SEMA4C: variants seen among roughly 807,000 people sequenced by gnomAD.
SEMA4C encodes semaphorin-4C.
In SEMA4C, 19 loss-of-function variants were observed where a neutral mutation model predicts 89.0. The ratio of observed to expected loss-of-function variants is 0.21; its 90% CI spans 0.15 to 0.31. The LOEUF (loss-of-function observed/expected upper bound fraction) is 0.31. Ranked by LOEUF, SEMA4C falls within the 10% of genes least tolerant of loss-of-function variation. SEMA4C has a pLI of 1.00. For synonymous variants in SEMA4C, 428 were observed against 472.7 expected, an observed-to-expected ratio of 0.91 and a Z score of 1.23; for missense variants, 811 against 1,107.0, an observed-to-expected ratio of 0.73 and a Z score of 3.79.
chr2:96,860,684 C>A lies in SEMA4C; in HGVS notation c.2444G>T (p.Arg815Leu), dbSNP rs770475801. ...PLPELADELR[R>L]KLQQRQPLPD... ...CAGTGGCTGGCGTTGCTGCAGTTTG[C>A]GTCTCAGTTCATCCGCGAGCTCAGG... The change falls in exon 15 of 15, where the codon CGC becomes CTC. Residue 815 changes from arginine to leucine, a missense_variant. Coordinates refer to ENST00000305476, the MANE Select transcript of SEMA4C (RefSeq NM_017789.5). 6.2e-7 allele frequency: 1 copy of A among 1,613,220 alleles called. No individual in the cohort carries two copies. Among genetic ancestry groups the A allele is most frequent in the Non-Finnish European group, 8.5e-7 (1 of 1,179,834 alleles).
rs768000871 is a variant in SEMA4C, at chr2:96,865,924, G to A, written c.264C>T (p.Ser88=). 6.2e-7 allele frequency: 1 copy of A among 1,613,994 alleles called. No individual in the cohort carries two copies. The highest frequency in any genetic ancestry group is 8.5e-7 in the Non-Finnish European group (1 of 1,179,994). The change falls in exon 4 of 15, where the codon TCC becomes TCT. Residue 88 remains serine, a synonymous_variant. Coordinates refer to ENST00000305476, the MANE Select transcript of SEMA4C (RefSeq NM_017789.5). Reference sequence around the variant, plus strand: ...TCTTCTTCTCCACGGGGGCCTCCCAGGAGATCTGGGGAAAGGGAAGGGGAT... The same window carrying A: ...TCTTCTTCTCCACGGGGGCCTCCCAAGAGATCTGGGGAAAGGGAAGGGGAT... ...MEALELQGAI[S]WEAPVEKKTE...
intron 11 of SEMA4C, 66 bp from the exon 12 acceptor site, chr2:96,863,860 C>T: frequency 1.9e-6 from 3 of 1,600,124 alleles, no homozygotes; most frequent in Non-Finnish European, 2.6e-6. Flanking sequence ...TCCAAATCTC[C>T]CTGCCCTGGG....
chr2:96,863,350 G>A (rs986219957), intron 12 of SEMA4C: 1 of 1,089,358 alleles, frequency 9.2e-7, no homozygotes, highest in Admixed American at 4.6e-5. Context: ...CTGGTCACAG[G>A]GGCATGGTCA....
At position 96,865,129 on chromosome 2, in the gene SEMA4C, A is replaced by G; in HGVS notation, c.635-14T>C. 1 of 1,588,810 alleles carries G rather than the reference A, an allele frequency of 6.3e-7. No homozygotes were observed. The highest frequency in any genetic ancestry group is 8.6e-7 in the Non-Finnish European group (1 of 1,167,572). On this transcript the variant is annotated splice_polypyrimidine_tract_variant and intron_variant, in intron 7 of 14. Coordinates refer to ENST00000305476, the MANE Select transcript of SEMA4C (RefSeq NM_017789.5). ...CAAAGTGAGGTTCTGTGGGAAGGGG[A>G]GGAGGTCAGCAGGGAGGGGCTGGGC... is the stretch of plus-strand genomic sequence containing the variant.
intron 1 of SEMA4C, chr2:96,868,497 A>C (rs2080132567): frequency 1.0e-6 from 1 of 988,490 alleles, no homozygotes; most frequent in African/African-American, 1.7e-5. Context: ...GCAGAACCCC[A>C]AACCCCGTTC....
At chr2:96,868,477 C>CA (rs2080132305) in intron 1 of SEMA4C, 1 of 992,128 alleles carries the variant, frequency 1.0e-6, no homozygotes, top group Non-Finnish European at 1.2e-6. Context: ...CCAGCGCAGA[C>CA]AATAGCCCTG....
chr2:96,863,657 T>C, intron 12 of SEMA4C, 25 bp downstream of exon 12: 1 of 1,588,012 alleles, frequency 6.3e-7, no homozygotes. Flanking sequence ...CTGGGGACAG[T>C]GGCAGATAGG....
intron 1 of SEMA4C, 198 bp downstream of exon 1, chr2:96,869,678 C>A (rs1386582380): frequency 7.1e-6 from 7 of 985,034 alleles, no homozygotes; most frequent in Non-Finnish European, 8.4e-6. Context: ...GTGCTGTGCG[C>A]CCCACTCCCG....
Position 96,865,785 on chromosome 2 carries a change from G to A in SEMA4C, c.322-21C>T, listed in dbSNP as rs17119625. ...TCGGTCTGGGGGCAGAAAGGTGTCC[G>A]GTTAGTGAGAGCGCGAGGGCCAGAA... is the stretch of plus-strand genomic sequence containing the variant. On this transcript the variant is annotated intron_variant, in intron 4 of 14. Coordinates refer to ENST00000305476, the MANE Select transcript of SEMA4C (RefSeq NM_017789.5). 816 of 1,613,856 alleles carry A rather than the reference G, an allele frequency of 5.1e-4. 11 individuals carry two copies. The East Asian group carries it at 0.017, about 33-fold the overall frequency.
In SEMA4C at chr2:96,860,385, C is replaced by T. The variant is rs1051585241; in HGVS notation, c.*241G>A. Reference sequence around the variant, plus strand: ...TGAAAAGTTTTGGCGGCTGGGGTCCCGCGTGTCTGTGATTCACAGAGAGGA... The same window carrying T: ...TGAAAAGTTTTGGCGGCTGGGGTCCTGCGTGTCTGTGATTCACAGAGAGGA... On this transcript the variant is annotated 3_prime_UTR_variant, in exon 15 of 15. Transcript: ENST00000305476. 7 of 514,316 alleles carry T rather than the reference C, an allele frequency of 1.4e-5. No individual in the cohort carries two copies. Among genetic ancestry groups the T allele is most frequent in the African/African-American group, 3.8e-5 (2 of 52,092 alleles). 31.9% of individuals were successfully genotyped at this position (514,316 alleles called of 1,614,324 possible).
At chr2:96,868,819 T>C in intron 1 of SEMA4C, 1 of 985,216 alleles carries the variant, frequency 1.0e-6, no homozygotes, top group Non-Finnish European at 1.2e-6. Flanking sequence ...CGGCACCCGC[T>C]GCGCTCCCGC....
At chr2:96,863,273 G>A (rs1012456100) in intron 12 of SEMA4C, 56 of 1,015,348 alleles carry the variant, frequency 5.5e-5, no homozygotes, top group Middle Eastern at 4.9e-4. Flanking sequence ...AAACAGTCAC[G>A]GAAATGGGGG....
rs1031224762 is a variant in SEMA4C at position 96,869,975 on chromosome 2, C to G, written c.-137G>C. On this transcript the variant is annotated 5_prime_UTR_variant, in exon 1 of 15. Transcript: ENST00000305476. The stretch of plus-strand genomic sequence containing the variant: ...GTCGCCGCCTGCCCGCGCTCGCCCG[C>G]CAGCCCTCCGCGGCCTCTCTGCCAC... 9 of 986,558 alleles carry G rather than the reference C, an allele frequency of 9.1e-6. No homozygotes were observed. Among genetic ancestry groups the G allele is most frequent in the Non-Finnish European group, 1.1e-5 (9 of 830,522 alleles). 61.1% of individuals were successfully genotyped at this position (986,558 alleles called of 1,614,324 possible).
At chr2:96,870,203 C>T, upstream of SEMA4C, 2 of 984,942 alleles carry the variant, frequency 2.0e-6, no homozygotes, top group Non-Finnish European at 1.2e-6. Flanking sequence ...GACCTGTGGA[C>T]CCGCCCGCTC....
rs969610409 is a variant in SEMA4C at position 96,870,029 on chromosome 2, C to T, written c.-191G>A. The stretch of plus-strand genomic sequence containing the variant: ...CCCTCCGTCCCCGCCCGGCTCCGCG[C>T]CCCTAGGCTCGGGCTCCCCGCGCCA... On this transcript the variant is annotated 5_prime_UTR_variant, in exon 1 of 15. Coordinates refer to ENST00000305476, the MANE Select transcript of SEMA4C (RefSeq NM_017789.5). The T allele has an allele frequency of 3.0e-6, 3 of 985,128 alleles. No homozygotes were observed. Among genetic ancestry groups the T allele is most frequent in the Non-Finnish European group, 3.6e-6 (3 of 829,126 alleles). The allele number at this position is 985,128 out of a possible 1,614,324, so 61.0% of individuals were successfully genotyped here. A position where few individuals can be genotyped will look rare whatever the true frequency, so the allele number is the denominator to read the frequency against.
chr2:96,870,242 T>A (rs1370220099), upstream of SEMA4C: 1 of 985,302 alleles, frequency 1.0e-6, no homozygotes, highest in Non-Finnish European at 1.2e-6. Context: ...CCTCCGCCTC[T>A]CTGGGTGCCC....
chr2:96,866,514 C>A, intron 2 of SEMA4C, 83 bp from the exon 3 acceptor site: 1 of 1,580,488 alleles, frequency 6.3e-7, no homozygotes. Context: ...AGCCAGCACC[C>A]CATGCCACAA....
chr2:96,868,688 T>TG lies in SEMA4C; in HGVS notation c.-37-766dup, dbSNP rs1233705634. The TG allele has an allele frequency of 3.0e-5, 28 of 948,236 alleles. No individual in the cohort carries two copies. The East Asian group carries it at 3.0e-3, about 101-fold the overall frequency. 58.7% of individuals were successfully genotyped at this position (948,236 alleles called of 1,614,324 possible). ...CACCAGCCCTCTGGCGGAGGGGCGG[T>TG]GGGGGGACCGAGCTCGGGTCGAGTC... On this transcript the variant is annotated intron_variant, in intron 1 of 14. Coordinates refer to ENST00000305476, the MANE Select transcript of SEMA4C (RefSeq NM_017789.5).
At chr2:96,867,989 A>C in intron 1 of SEMA4C, 66 bp from the exon 2 acceptor site, 1 of 1,576,432 alleles carries the variant, frequency 6.3e-7, no homozygotes, top group Non-Finnish European at 8.6e-7. Flanking sequence ...GGCCCGCAGC[A>C]GGAGAGGCCA....
Sources: gnomAD v4.1 joint callset for allele counts on GRCh38, gnomAD v4.1.1 for gene constraint, MANE v1.5 for transcripts, NCBI Gene and HGNC (gene_info 2026-07-23, HGNC 2026-07-21) for gene names.